GALNT18: variants seen among roughly 807,000 people sequenced by gnomAD.
GALNT18 encodes the protein GalNAc-transferase 18.
A neutral mutation model predicts 69.5 loss-of-function variants in GALNT18; 44 were observed. The ratio of observed to expected loss-of-function variants is 0.63; its 90% CI spans 0.50 to 0.81. The LOEUF (loss-of-function observed/expected upper bound fraction) is 0.81, where lower values mean the gene tolerates loss of function less well. GALNT18 is among the 40% of genes least tolerant of loss of function. The pLI, the probability that GALNT18 is intolerant of heterozygous loss-of-function variation, is 0.00. For synonymous variants in GALNT18, 364 were observed against 318.2 expected (o/e 1.14, Z -1.53); for missense variants, 715 against 810.0 (o/e 0.88, Z 1.42).
At chr11:11,422,379 G>T (rs145105318) in intron 3 of GALNT18, among the ~76,000 whole-genome samples, 48 of 152,352 alleles carry the variant, frequency 3.2e-4, no homozygotes, top group African/African-American at 1.1e-3. Context: ...TGCACCCCAA[G>T]GTTGCCAGGT....
chr11:11,313,259 C>T (rs1849699645), intron 9 of GALNT18, among the ~76,000 whole-genome samples: 1 of 152,116 alleles, frequency 6.6e-6, no homozygotes, highest in Non-Finnish European at 1.5e-5. Flanking sequence ...GCAGACAGCC[C>T]TCACAAGCCA....
chr11:11,295,298 G>A (rs1590017381), intron 9 of GALNT18, among the ~76,000 whole-genome samples: 1 of 152,186 alleles, frequency 6.6e-6, no homozygotes, highest in African/African-American at 2.4e-5. Flanking sequence ...GACCCGAGGA[G>A]TATGTAATAA....
intron 1 of GALNT18, among the ~76,000 whole-genome samples, chr11:11,599,919 T>C (rs1194014566): frequency 6.6e-6 from 1 of 152,010 alleles, no homozygotes; most frequent in Non-Finnish European, 1.5e-5. Flanking sequence ...ATTTAGAATA[T>C]CTTTAACTCT....
rs1859242279 is a variant in GALNT18, at chr11:11,586,936, C to T, written c.235+34423G>A. On this transcript the variant is annotated intron_variant, in intron 1 of 10. Transcript: ENST00000227756. The surrounding 1 kb of genome is among the most constrained non-coding windows in gnomAD (Gnocchi z 4.1). ...CCAGGAGGCGGAGGGTGCAGTGAGC[C>T]GAGATCGTGTCAAAGCACTCCAGCC... 6.6e-6 allele frequency among the ~76,000 whole-genome samples: 1 copy of T among 151,956 alleles called. No individual in the cohort carries two copies.
chr11:11,561,816 T>C (rs557579131), intron 1 of GALNT18, among the ~76,000 whole-genome samples: 66 of 152,312 alleles, frequency 4.3e-4, no homozygotes, highest in Admixed American at 1.7e-3. Context: ...GGCTGCCTAC[T>C]TGGAAAGCAA....
intron 1 of GALNT18, among the ~76,000 whole-genome samples, chr11:11,517,279 G>A (rs529662579): frequency 9.2e-5 from 14 of 152,302 alleles, no homozygotes; most frequent in Admixed American, 2.0e-4. Context: ...CAGGCCAGGT[G>A]GACACCATTA....
intron 10 of GALNT18, among the ~76,000 whole-genome samples, chr11:11,283,892 G>A (rs1849138094): frequency 6.6e-6 from 1 of 152,170 alleles, no homozygotes; most frequent in African/African-American, 2.4e-5. Context: ...ATTTGAATGT[G>A]TAGAATTTTG....
At chr11:11,552,466 G>C (rs142195732) in intron 1 of GALNT18, among the ~76,000 whole-genome samples, 173 of 152,314 alleles carry the variant, frequency 1.1e-3, no homozygotes, top group African/African-American at 4.0e-3. Flanking sequence ...GGGCCTGGGG[G>C]ACAACAGTTG....
intron 1 of GALNT18, among the ~76,000 whole-genome samples, chr11:11,460,306 T>C (rs1856011999): frequency 1.3e-5 from 2 of 152,186 alleles, no homozygotes; most frequent in Non-Finnish European, 2.9e-5. Context: ...TCCCATCTAT[T>C]AAAAAGAGAT....
At position 11,389,531 on chromosome 11, in the gene GALNT18, C is replaced by T. The variant is rs1854132437; in HGVS notation, c.596-10267G>A. On this transcript the variant is annotated intron_variant, in intron 3 of 10. Transcript: ENST00000227756. The surrounding 1 kb of genome is among the most constrained non-coding windows in gnomAD (Gnocchi z 4.3). ...ATTACTTACAGAGCAAGAACTACTC[C>T]TGCTACTCTGAGGAGGGTATGCAGC... Among the ~76,000 whole-genome samples the T allele has an allele frequency of 6.6e-6, 1 of 152,186 alleles. No homozygotes were observed. Among genetic ancestry groups the T allele is most frequent in the Admixed American group, 6.5e-5 (1 of 15,276 alleles).
rs10765870 is a variant in GALNT18, at chr11:11,584,250, A to T, written c.235+37109T>A. 0.38 allele frequency among the ~76,000 whole-genome samples: 57,132 copies of T among 152,020 alleles called. 12,701 individuals are homozygous for T. Among genetic ancestry groups the T allele is most frequent in the East Asian group, 0.65 (3,356 of 5,144 alleles). ...CTGGGGACAGGAAGCTCGAGGATAG[A>T]CACTGACCTATGCCAGGAAAGGCCT... On this transcript the variant is annotated intron_variant, in intron 1 of 10. Coordinates refer to ENST00000227756, the MANE Select transcript of GALNT18 (RefSeq NM_198516.3). This position sits in a 1 kb window ranked among gnomAD's most constrained non-coding sequence, Gnocchi z 4.1.
chr11:11,352,745 G>A (rs752015757), intron 6 of GALNT18: 3 of 1,614,094 alleles, frequency 1.9e-6, no homozygotes, highest in East Asian at 2.2e-5. Context: ...TTAACGTCTG[G>A]TACAATTGCT....
intron 1 of GALNT18, among the ~76,000 whole-genome samples, chr11:11,488,241 G>C (rs755200970): frequency 6.6e-6 from 1 of 152,102 alleles, no homozygotes; most frequent in South Asian, 2.1e-4. Context: ...GGGTCAGCAG[G>C]GCTGTACTCC....
intron 6 of GALNT18, among the ~76,000 whole-genome samples, chr11:11,342,152 T>C (rs1850219962): frequency 6.6e-6 from 1 of 152,114 alleles, no homozygotes; most frequent in South Asian, 2.1e-4. Context: ...AACCTATATC[T>C]CACTCACTCA....
chr11:11,503,975 G>A (rs903129100), intron 1 of GALNT18, among the ~76,000 whole-genome samples: 1 of 152,152 alleles, frequency 6.6e-6, no homozygotes, highest in Non-Finnish European at 1.5e-5. Context: ...GGTTCATTTA[G>A]TCTGTTTTAC....
chr11:11,559,199 A>G (rs1176607907), intron 1 of GALNT18, among the ~76,000 whole-genome samples: 1 of 152,284 alleles, frequency 6.6e-6, no homozygotes, highest in African/African-American at 2.4e-5. Context: ...GCAAACTACT[A>G]TCCACTCTTT....
At chr11:11,593,081 T>A (rs1248824893) in intron 1 of GALNT18, among the ~76,000 whole-genome samples, 1 of 152,116 alleles carries the variant, frequency 6.6e-6, no homozygotes, top group Non-Finnish European at 1.5e-5. Context: ...GCTCGGCTAA[T>A]TTTTTGTATT....
chr11:11,332,823 T>C lies in GALNT18; in HGVS notation c.1287A>G (p.Gly429=), dbSNP rs1261230871. ...MAWNIPQEDS[G]IDIGDITARK... ...TTGCAGTGATGTCCCCAATGTCAAT[T>C]CCTGAGTCCTGCACAGGGACGCAGA... is the stretch of plus-strand genomic sequence containing the variant. Residue 429 remains glycine (G), a synonymous_variant, in exon 8 of 11, where the codon GGA becomes GGG. Coordinates refer to ENST00000227756, the MANE Select transcript of GALNT18 (RefSeq NM_198516.3). This position sits in a 1 kb window ranked among gnomAD's most constrained non-coding sequence, Gnocchi z 4.3. 3.7e-6 allele frequency: 6 copies of C among 1,613,360 alleles called. No individual in the cohort carries two copies. The highest frequency in any genetic ancestry group is 5.1e-6 in the Non-Finnish European group (6 of 1,179,990).
rs1177992839 is a variant in GALNT18, at chr11:11,469,227, G to A, written c.236-20291C>T. On this transcript the variant is annotated intron_variant, in intron 1 of 10. Coordinates refer to ENST00000227756, the MANE Select transcript of GALNT18 (RefSeq NM_198516.3). The surrounding 1 kb of genome is among the most constrained non-coding windows in gnomAD (Gnocchi z 4.2). ...CTTTCTTGCCTCTGTGAATGTCTCA[G>A]ACAGTGCAGAACTAACGAAGGCCCC... Among the ~76,000 whole-genome samples the A allele has an allele frequency of 6.6e-6, 1 of 152,200 alleles. No individual in the cohort carries two copies. Among genetic ancestry groups the A allele is most frequent in the Non-Finnish European group, 1.5e-5 (1 of 68,048 alleles).
Sources: allele counts gnomAD v4.1 joint callset (sites outside exome capture counted in the v4.1 genomes callset), GRCh38; gene constraint gnomAD v4.1.1; non-coding constraint Gnocchi (gnomAD v3.1); transcripts MANE v1.5; gene names NCBI Gene and HGNC (gene_info 2026-07-23, HGNC 2026-07-21).